The following CNTN5 variants were observed in gnomAD, a reference collection of about 807,000 sequenced individuals.
CNTN5 encodes contactin-5.
A neutral mutation model predicts 129.1 loss-of-function variants in CNTN5; 77 were observed. That is an observed-to-expected ratio of 0.60 (90% CI 0.50 to 0.72). CNTN5 has a LOEUF of 0.72. Ranked by LOEUF, CNTN5 falls within the 30% of genes least tolerant of loss-of-function variation. The pLI, the probability that CNTN5 is intolerant of heterozygous loss-of-function variation, is 0.00. For missense variants in CNTN5, 1,478 were observed against 1,328.8 expected (o/e 1.11, Z -1.75); for synonymous variants, 509 against 465.6 (o/e 1.09, Z -1.20).
intron 2 of CNTN5, among the ~76,000 whole-genome samples, chr11:99,388,350 G>T (rs1941039554): frequency 6.8e-6 from 1 of 146,858 alleles, no homozygotes; most frequent in Admixed American, 6.9e-5. Flanking sequence ...AGGAAGCAGA[G>T]GTTGTAGTGA....
chr11:99,412,063 A>G (rs1942420466), intron 2 of CNTN5, among the ~76,000 whole-genome samples: 1 of 152,236 alleles, frequency 6.6e-6, no homozygotes, highest in Admixed American at 6.5e-5. Context: ...TTTAAATAAT[A>G]TTATTCAAAA....
At chr11:99,767,847 A>G (rs1944808449) in intron 3 of CNTN5, among the ~76,000 whole-genome samples, 2 of 152,076 alleles carry the variant, frequency 1.3e-5, no homozygotes, top group South Asian at 4.1e-4. Flanking sequence ...TTTCTGTTTC[A>G]GTACAGAATT....
chr11:99,933,983 T>C, intron 7 of CNTN5, among the ~76,000 whole-genome samples: 1 of 152,248 alleles, frequency 6.6e-6, no homozygotes, highest in South Asian at 2.1e-4. Context: ...AGCATTTATA[T>C]CTGTGGAGCT....
chr11:99,651,378 A>G (rs1239587931), intron 3 of CNTN5, among the ~76,000 whole-genome samples: 1 of 151,930 alleles, frequency 6.6e-6, no homozygotes, highest in Non-Finnish European at 1.5e-5. Context: ...AAAAAATTCT[A>G]AAGGAACAAT....
At chr11:100,273,903 A>C (rs765992911) in intron 18 of CNTN5, among the ~76,000 whole-genome samples, 3 of 152,128 alleles carry the variant, frequency 2.0e-5, no homozygotes, top group Non-Finnish European at 2.9e-5. Flanking sequence ...AAAAAGAGTC[A>C]AAATAGAGAA....
intron 2 of CNTN5, among the ~76,000 whole-genome samples, chr11:99,422,868 G>A (rs1344461882): frequency 6.6e-6 from 1 of 151,614 alleles, no homozygotes; most frequent in Admixed American, 6.6e-5. Flanking sequence ...ACTAATAAGT[G>A]CATCTTCTAA....
At chr11:99,463,108 A>AAAATAGAT (rs1554994202) in intron 2 of CNTN5, among the ~76,000 whole-genome samples, 1 of 121,118 alleles carries the variant, frequency 8.3e-6, no homozygotes, top group Non-Finnish European at 1.7e-5. Context: ...ACTCCATCTC[A>AAAATAGAT]AAATAAATAA....
intron 1 of CNTN5, among the ~76,000 whole-genome samples, chr11:99,128,618 GAT>G (rs534585122): frequency 1.1e-4 from 16 of 152,304 alleles, no homozygotes; most frequent in Admixed American, 6.5e-4. Flanking sequence ...TCTGCTAAAA[GAT>G]ATACAAACTA....
chr11:99,034,878 A>G (rs1302917761), intron 1 of CNTN5, among the ~76,000 whole-genome samples: 2 of 149,364 alleles, frequency 1.3e-5, no homozygotes, highest in African/African-American at 4.9e-5. Flanking sequence ...TCAGTTTTAG[A>G]TCTTTCCTGC....
At chr11:99,397,550 T>C (rs1260102682) in intron 2 of CNTN5, among the ~76,000 whole-genome samples, 3 of 151,882 alleles carry the variant, frequency 2.0e-5, no homozygotes, top group Non-Finnish European at 4.4e-5. Context: ...TTTATTTGTA[T>C]TAGTTGGATA....
chr11:99,893,304 C>A (rs929027671), intron 6 of CNTN5, among the ~76,000 whole-genome samples: 2 of 152,112 alleles, frequency 1.3e-5, no homozygotes, highest in Non-Finnish European at 2.9e-5. Flanking sequence ...TCTTATTTGT[C>A]ATTACTATCA....
intron 6 of CNTN5, among the ~76,000 whole-genome samples, chr11:99,890,989 A>C (rs569046985): frequency 8.4e-4 from 128 of 152,260 alleles, no homozygotes; most frequent in African/African-American, 3.0e-3. Flanking sequence ...ACTGACCAAA[A>C]CTGCAAATAA....
intron 8 of CNTN5, among the ~76,000 whole-genome samples, chr11:99,971,639 A>G (rs1951257768): frequency 6.6e-6 from 1 of 151,896 alleles, no homozygotes; most frequent in Non-Finnish European, 1.5e-5. Context: ...TCATTTTGCC[A>G]ACACATAGCT....
intron 1 of CNTN5, among the ~76,000 whole-genome samples, chr11:99,181,204 C>T (rs1406083677): frequency 3.3e-5 from 5 of 152,062 alleles, no homozygotes; most frequent in Non-Finnish European, 7.4e-5. Flanking sequence ...TAATTAATGG[C>T]CACCCTGAAG....
At chr11:99,202,975 A>AGAAT (rs1736598601) in intron 1 of CNTN5, among the ~76,000 whole-genome samples, 1 of 151,936 alleles carries the variant, frequency 6.6e-6, no homozygotes, top group African/African-American at 2.4e-5. Flanking sequence ...AAGAGAGAAA[A>AGAAT]GAATGAATGA....
intron 1 of CNTN5, among the ~76,000 whole-genome samples, chr11:99,316,556 T>C (rs894890402): frequency 6.6e-6 from 1 of 152,238 alleles, no homozygotes; most frequent in South Asian, 2.1e-4. Context: ...TAATAAGTTT[T>C]CAGGTGTATT....
rs150624191 is a variant in CNTN5, at chr11:100,311,004, A to C, written c.2730+2536A>C. Among the ~76,000 whole-genome samples, 139 of 152,006 alleles carry C rather than the reference A, an allele frequency of 9.1e-4. 3 individuals are homozygous for C. In the East Asian group the frequency reaches 0.018, roughly 20 times the overall value. ...TTTCATCCAAAGTATAAGAAGTCAT[A>C]AAGTATTTCAAACTGGGAGGGACAA... On this transcript the variant is annotated intron_variant, in intron 21 of 24. Transcript: ENST00000524871.
intron 3 of CNTN5, among the ~76,000 whole-genome samples, chr11:99,661,099 A>G (rs1410698467): frequency 6.6e-6 from 1 of 152,136 alleles, no homozygotes; most frequent in African/African-American, 2.4e-5. Context: ...TAAGTGTCTT[A>G]GATTGTATTC....
chr11:99,366,680 G>A (rs867733461), intron 2 of CNTN5, among the ~76,000 whole-genome samples: 2 of 152,240 alleles, frequency 1.3e-5, no homozygotes, highest in East Asian at 1.9e-4. Flanking sequence ...CTTCTGTGAC[G>A]TCGCCACAGG....
Sources: gnomAD v4.1 joint callset for allele counts (sites outside exome capture counted in the v4.1 genomes callset) on GRCh38, gnomAD v4.1.1 for gene constraint, MANE v1.5 for transcripts, NCBI Gene and HGNC (gene_info 2026-07-23, HGNC 2026-07-21) for gene names.